Variants in FHIP1A observed in about 807,000 individuals in gnomAD.
FHIP1A encodes the protein FHF complex subunit HOOK-interacting protein 1A.
In FHIP1A, 61 loss-of-function variants were observed where a neutral mutation model predicts 88.6. The ratio of observed to expected loss-of-function variants is 0.69; its 90% CI spans 0.56 to 0.85. The LOEUF is 0.85. Ranked by LOEUF, FHIP1A falls within the 40% of genes least tolerant of loss-of-function variation. The pLI is 0.00. For missense variants in FHIP1A, 1,154 were observed against 1,273.5 expected, an observed-to-expected ratio of 0.91 and a Z score of 1.43; for synonymous variants, 478 against 496.0, an observed-to-expected ratio of 0.96 and a Z score of 0.48.
intron 1 of FHIP1A, among the ~76,000 whole-genome samples, chr4:151,415,016 G>T (rs1346404982): frequency 6.6e-6 from 1 of 151,838 alleles, no homozygotes; most frequent in African/African-American, 2.4e-5. Flanking sequence ...TATTAACGTG[G>T]TTGTTAATAA....
Position 151,578,034 on chromosome 4 carries a change from CATGGTG to C in FHIP1A, c.691_696del (p.Met231_Val232del), listed in dbSNP as rs1320065063. The C allele has an allele frequency of 1.3e-6, 2 of 1,550,838 alleles. No homozygotes were observed. The highest frequency in any genetic ancestry group is 2.4e-5 in the South Asian group (2 of 84,008). ...TCATGTCTCTTTCTGCTGAGAACAC[CATGGTG>C]GCCCATCACATCGTGGAGAACACCT... On this transcript the variant is annotated inframe_deletion, in exon 5 of 14. Transcript: ENST00000435205.
Position 151,662,489 on chromosome 4 carries a change from T to C in FHIP1A, c.2870-12T>C. On this transcript the variant is annotated splice_polypyrimidine_tract_variant and intron_variant, in intron 13 of 13. Coordinates refer to ENST00000435205, the MANE Select transcript of FHIP1A (RefSeq NM_001109977.3). Reference sequence around the variant, plus strand: ...TGGAGGGACACCATGATGGTTTTCTTTCTGCTTTCAGATCCCATTCAGGAG... The same window carrying C: ...TGGAGGGACACCATGATGGTTTTCTCTCTGCTTTCAGATCCCATTCAGGAG... 7 of 1,512,180 alleles carry C rather than the reference T, an allele frequency of 4.6e-6. No homozygotes were observed. In the South Asian group the frequency reaches 8.9e-5, roughly 19 times the overall value. The allele number at this position is 1,512,180 out of a possible 1,614,324, so 93.7% of individuals were successfully genotyped here.
At chr4:151,593,112 G>T (rs111878343) in intron 7 of FHIP1A, among the ~76,000 whole-genome samples, 5,176 of 152,072 alleles carry the variant, frequency 0.034, 303 homozygotes, top group African/African-American at 0.12. Context: ...GTTATGTTCC[G>T]CTGGTCTATA....
chr4:151,410,803 T>A (rs981227696), intron 1 of FHIP1A, among the ~76,000 whole-genome samples: 1 of 152,386 alleles, frequency 6.6e-6, no homozygotes, highest in South Asian at 2.1e-4. Flanking sequence ...ACTTTTCGCA[T>A]AATTAAAGGT....
chr4:151,445,988 C>T (rs1728586645), intron 1 of FHIP1A, among the ~76,000 whole-genome samples: 1 of 151,542 alleles, frequency 6.6e-6, no homozygotes, highest in Non-Finnish European at 1.5e-5. Context: ...CGCTGTTGCA[C>T]ATGTGCAAGA....
At chr4:151,458,519 T>C (rs569985599) in intron 2 of FHIP1A, among the ~76,000 whole-genome samples, 3 of 151,150 alleles carry the variant, frequency 2.0e-5, no homozygotes, top group Non-Finnish European at 4.4e-5. Context: ...GGTTTGGGGG[T>C]GGGGGTGTCT....
chr4:151,498,011 C>T (rs749111518), intron 3 of FHIP1A, among the ~76,000 whole-genome samples: 4 of 152,116 alleles, frequency 2.6e-5, no homozygotes, highest in Non-Finnish European at 5.9e-5. Flanking sequence ...TATCAAGAAT[C>T]CCCCTACCCT....
In FHIP1A at chr4:151,650,157, C is replaced by A; in HGVS notation, c.2116C>A (p.His706Asn). 6.4e-7 allele frequency: 1 copy of A among 1,551,720 alleles called. No homozygotes were observed. Among genetic ancestry groups the A allele is most frequent in the East Asian group, 2.4e-5 (1 of 40,920 alleles). The stretch of plus-strand genomic sequence containing the variant: ...GAATAGGGACAATTCAGACCCGTTT[C>A]ACAGTGAGCCCAAGGAGCCAAAGCA... ...EWNRDNSDPF[H>N]SEPKEPKQER... Residue 706 changes from histidine (H) to asparagine (N), a missense_variant, in exon 11 of 14, where the codon CAC becomes AAC. Coordinates refer to ENST00000435205, the MANE Select transcript of FHIP1A (RefSeq NM_001109977.3).
intron 3 of FHIP1A, among the ~76,000 whole-genome samples, chr4:151,541,308 A>G (rs1732275478): frequency 6.6e-6 from 1 of 152,234 alleles, no homozygotes; most frequent in Non-Finnish European, 1.5e-5. Flanking sequence ...TTAATAAAGC[A>G]TTAAGTTGAG....
intron 1 of FHIP1A, among the ~76,000 whole-genome samples, chr4:151,414,251 C>T (rs1348229770): frequency 6.6e-6 from 1 of 152,058 alleles, no homozygotes. Flanking sequence ...TGGGGTTTCA[C>T]CATGTTGGCC....
chr4:151,459,910 G>A (rs1729090737), intron 2 of FHIP1A, among the ~76,000 whole-genome samples: 1 of 152,086 alleles, frequency 6.6e-6, no homozygotes, highest in African/African-American at 2.4e-5. Flanking sequence ...TTGGAATTCA[G>A]CTTTTTGTAT....
chr4:151,610,933 T>G (rs889272621), intron 7 of FHIP1A, among the ~76,000 whole-genome samples: 1 of 152,232 alleles, frequency 6.6e-6, no homozygotes, highest in African/African-American at 2.4e-5. Context: ...TACACATTTC[T>G]TTATTCATTT....
At chr4:151,548,582 C>T (rs1732597711) in intron 3 of FHIP1A, among the ~76,000 whole-genome samples, 1 of 152,144 alleles carries the variant, frequency 6.6e-6, no homozygotes, top group Non-Finnish European at 1.5e-5. Flanking sequence ...TGCTACACTC[C>T]CATCAGCACC....
chr4:151,517,667 T>G (rs977684881), intron 3 of FHIP1A, among the ~76,000 whole-genome samples: 1 of 152,046 alleles, frequency 6.6e-6, no homozygotes, highest in Non-Finnish European at 1.5e-5. Flanking sequence ...AGAACTGTGG[T>G]CCCCTAAGAT....
In FHIP1A at chr4:151,649,944, G is replaced by A. The variant is rs751031867; in HGVS notation, c.1903G>A (p.Glu635Lys). The stretch of plus-strand genomic sequence containing the variant: ...GCTCTTCAAAGGGTCCTACATAGAA[G>A]AGTCGGACTTTCAGGATGATGTGAT... ...LLLFKGSYIE[E>K]SDFQDDVMVY... is the part of the protein sequence containing the mutation. The change falls in exon 11 of 14, where the codon GAG (glutamate) becomes AAG (lysine). Residue 635 changes from glutamate (E) to lysine (K), a missense_variant. Transcript: ENST00000435205. The A allele has an allele frequency of 1.9e-5, 30 of 1,551,494 alleles. No homozygotes were observed. In the South Asian group the frequency reaches 2.4e-4, roughly 12 times the overall value.
intron 3 of FHIP1A, among the ~76,000 whole-genome samples, chr4:151,499,715 T>G (rs1285564215): frequency 6.6e-6 from 1 of 152,124 alleles, no homozygotes; most frequent in Non-Finnish European, 1.5e-5. Flanking sequence ...CTTACAATCG[T>G]CGTGGAAGGG....
At chr4:151,632,060 C>T (rs148081827) in intron 8 of FHIP1A, among the ~76,000 whole-genome samples, 2,051 of 151,992 alleles carry the variant, frequency 0.013, 23 homozygotes, top group Non-Finnish European at 0.019. Context: ...CACTCACTTT[C>T]GATCTAAGAA....
At chr4:151,561,746 G>A (rs962470111) in intron 3 of FHIP1A, among the ~76,000 whole-genome samples, 1 of 151,920 alleles carries the variant, frequency 6.6e-6, no homozygotes, top group African/African-American at 2.4e-5. Context: ...CAGTTGCTCA[G>A]GAAATAAACA....
At chr4:151,498,278 C>G (rs189194448) in intron 3 of FHIP1A, among the ~76,000 whole-genome samples, 54 of 152,288 alleles carry the variant, frequency 3.5e-4, no homozygotes, top group African/African-American at 1.2e-3. Flanking sequence ...GTTTGGTACC[C>G]GTATGAATTC....
Sources: allele counts gnomAD v4.1 joint callset (sites outside exome capture counted in the v4.1 genomes callset), GRCh38; gene constraint gnomAD v4.1.1; transcripts MANE v1.5; gene names NCBI Gene and HGNC (gene_info 2026-07-23, HGNC 2026-07-21).